The following CEP112 variants were observed in gnomAD, a reference collection of about 807,000 sequenced individuals.
CEP112 encodes the protein centrosomal protein of 112 kDa.
Under a neutral mutation model 153.0 loss-of-function variants are expected in CEP112, and 127 were observed. That is an observed-to-expected ratio of 0.83 (90% CI 0.72 to 0.96). The LOEUF (loss-of-function observed/expected upper bound fraction) is 0.96, where lower values mean the gene tolerates loss of function less well. Ranked by LOEUF, CEP112 falls within the 40% of genes least tolerant of loss-of-function variation. The probability of loss-of-function intolerance (pLI) is 0.00; values close to 1 mark genes in which losing one functional copy is unlikely to be tolerated. For synonymous variants in CEP112, 358 were observed against 374.4 expected (o/e 0.96, Z 0.51); for missense variants, 1,089 against 1,101.2 (o/e 0.99, Z 0.16).
At chr17:66,137,173 G>A (rs2070471911) in intron 4 of CEP112, among the ~76,000 whole-genome samples, 1 of 151,950 alleles carries the variant, frequency 6.6e-6, no homozygotes, top group Admixed American at 6.6e-5. Flanking sequence ...AAAATTTGAG[G>A]GCTGAAGAAT....
intron 21 of CEP112, among the ~76,000 whole-genome samples, chr17:65,831,293 C>A (rs181957564): frequency 9.8e-5 from 15 of 152,330 alleles, no homozygotes; most frequent in African/African-American, 3.4e-4. Context: ...CGCAGTGGCT[C>A]ATGCCTGTAA....
chr17:65,737,166 G>A (rs2050852016), intron 23 of CEP112, among the ~76,000 whole-genome samples: 1 of 152,112 alleles, frequency 6.6e-6, no homozygotes, highest in African/African-American at 2.4e-5. Flanking sequence ...CAAATAAAAT[G>A]AGTAAAGAAG....
chr17:66,025,402 G>A (rs1276809535), intron 16 of CEP112, among the ~76,000 whole-genome samples: 2 of 151,884 alleles, frequency 1.3e-5, no homozygotes, highest in Non-Finnish European at 2.9e-5. Context: ...CTGATATCCA[G>A]AATTTACAAG....
chr17:65,691,091 A>G (rs931753164), intron 23 of CEP112, among the ~76,000 whole-genome samples: 2 of 152,098 alleles, frequency 1.3e-5, no homozygotes, highest in African/African-American at 4.8e-5. Flanking sequence ...CAGAGAGAGG[A>G]AAAAACAGGA....
intron 21 of CEP112, among the ~76,000 whole-genome samples, chr17:65,811,393 C>T (rs6504360): frequency 1 from 151,609 of 152,300 alleles, 75,462 homozygotes; most frequent in Non-Finnish European, 1. Context: ...AGTGTGAGGA[C>T]GCTAACCTAA....
At chr17:65,648,579 T>A (rs771305076) in intron 24 of CEP112, among the ~76,000 whole-genome samples, 1 of 152,168 alleles carries the variant, frequency 6.6e-6, no homozygotes, top group Non-Finnish European at 1.5e-5. Flanking sequence ...AGACAAATGA[T>A]CATTTGCATA....
intron 19 of CEP112, among the ~76,000 whole-genome samples, chr17:65,923,157 A>T (rs7215420): frequency 0.038 from 5,793 of 151,990 alleles, 322 homozygotes; most frequent in African/African-American, 0.12. Context: ...CCATTTTTTT[A>T]AAAAAAAGAA....
At chr17:65,638,364 A>G (rs941105017) in intron 25 of CEP112, among the ~76,000 whole-genome samples, 8 of 152,214 alleles carry the variant, frequency 5.3e-5, no homozygotes, top group Admixed American at 1.3e-4. Context: ...GTGGTATTTG[A>G]TCGTTTCAGA....
chr17:65,664,995 C>G (rs1266219456), intron 24 of CEP112, among the ~76,000 whole-genome samples: 1 of 152,160 alleles, frequency 6.6e-6, no homozygotes, highest in African/African-American at 2.4e-5. Context: ...CAATATTTCT[C>G]CTATGTCTCT....
intron 4 of CEP112, among the ~76,000 whole-genome samples, chr17:66,146,114 A>G (rs1436485303): frequency 6.6e-6 from 1 of 152,014 alleles, no homozygotes; most frequent in Non-Finnish European, 1.5e-5. Context: ...GAAGCAGAGT[A>G]ATACTGACCT....
At chr17:65,907,191 T>A (rs1231970987) in intron 19 of CEP112, among the ~76,000 whole-genome samples, 1 of 152,208 alleles carries the variant, frequency 6.6e-6, no homozygotes, top group East Asian at 1.9e-4. Flanking sequence ...CTCCTTGTTC[T>A]GTACTCTAGT....
intron 24 of CEP112, among the ~76,000 whole-genome samples, chr17:65,664,065 A>T (rs990545507): frequency 2.0e-5 from 3 of 152,158 alleles, no homozygotes; most frequent in Admixed American, 2.0e-4. Context: ...AATAAATAAA[A>T]AATAAAATAA....
At position 65,666,380 on chromosome 17, in the gene CEP112, C is replaced by A. The variant is rs554054306; in HGVS notation, c.2697+22749G>T. On this transcript the variant is annotated intron_variant, in intron 24 of 26. Transcript: ENST00000535342. ...CATACAATGTCTACCTCATGGGACA[C>A]CCACATACTTAGTAGCCAACATTAC... 5.3e-5 allele frequency among the ~76,000 whole-genome samples: 8 copies of A among 152,220 alleles called. No homozygotes were observed. The South Asian group carries it at 1.7e-3, about 32-fold the overall frequency.
At chr17:66,115,176 G>A (rs1404931834) in intron 6 of CEP112, among the ~76,000 whole-genome samples, 4 of 152,062 alleles carry the variant, frequency 2.6e-5, no homozygotes, top group African/African-American at 9.7e-5. Flanking sequence ...CTGCACTCCA[G>A]CCTGGGTGAC....
intron 21 of CEP112, among the ~76,000 whole-genome samples, chr17:65,813,877 A>G (rs1283316322): frequency 6.6e-6 from 1 of 152,188 alleles, no homozygotes; most frequent in East Asian, 1.9e-4. Flanking sequence ...AAGATCGTTC[A>G]TTTTTTTTAT....
chr17:65,980,289 G>A (rs1006999997), intron 17 of CEP112, among the ~76,000 whole-genome samples: 1 of 152,164 alleles, frequency 6.6e-6, no homozygotes, highest in Non-Finnish European at 1.5e-5. Context: ...ACAGTAACCA[G>A]TTTTAAAAGA....
chr17:65,635,956 C>T lies in CEP112; in HGVS notation c.*15G>A, dbSNP rs77414935. The T allele has an allele frequency of 1.9e-6, 3 of 1,599,692 alleles. No individual in the cohort carries two copies. Among genetic ancestry groups the T allele is most frequent in the Non-Finnish European group, 2.6e-6 (3 of 1,171,660 alleles). Reference sequence around the variant, plus strand: ...CACAGCCTGGAAATTGCATCCGTTGCATTCTCTCGTGCAGTTACCTGTAAA... The same window carrying T: ...CACAGCCTGGAAATTGCATCCGTTGTATTCTCTCGTGCAGTTACCTGTAAA... On this transcript the variant is annotated 3_prime_UTR_variant, in exon 27 of 27. Coordinates refer to ENST00000535342, the MANE Select transcript of CEP112 (RefSeq NM_001199165.4).
intron 12 of CEP112, among the ~76,000 whole-genome samples, chr17:66,049,033 G>T (rs12602354): frequency 0.41 from 62,521 of 151,950 alleles, 14,325 homozygotes; most frequent in East Asian, 0.87. Flanking sequence ...GGAGACTGTC[G>T]CTCTCCAAAG....
At chr17:66,054,449 A>C (rs1433902316) in intron 11 of CEP112, among the ~76,000 whole-genome samples, 2 of 152,236 alleles carry the variant, frequency 1.3e-5, no homozygotes, top group Non-Finnish European at 2.9e-5. Context: ...TGTATACTAC[A>C]TGTACAGAGG....
Sources: allele counts gnomAD v4.1 joint callset (sites outside exome capture counted in the v4.1 genomes callset), GRCh38; gene constraint gnomAD v4.1.1; transcripts MANE v1.5; gene names NCBI Gene and HGNC (gene_info 2026-07-23, HGNC 2026-07-21).